Variants in TMEM179 observed in about 807,000 individuals in gnomAD.
TMEM179 encodes transmembrane protein 179A.
In TMEM179, 17 loss-of-function variants were observed where a neutral mutation model predicts 22.2. The observed-to-expected ratio is 0.77, with a 90% CI of 0.52 to 1.15. TMEM179 has a LOEUF of 1.15. Ranked by LOEUF, TMEM179 falls within the 50% of genes most tolerant of loss-of-function variation. The pLI, the probability that TMEM179 is intolerant of heterozygous loss-of-function variation, is 0.00. For synonymous variants in TMEM179, 127 were observed against 140.5 expected, an observed-to-expected ratio of 0.90 and a Z score of 0.68; for missense variants, 265 against 313.6, an observed-to-expected ratio of 0.84 and a Z score of 1.17.
In TMEM179 at chr14:104,595,921, G is replaced by A. The variant is rs192501592; in HGVS notation, c.444-678C>T. On this transcript the variant is annotated intron_variant, in intron 2 of 3. Coordinates refer to ENST00000556573, the MANE Select transcript of TMEM179 (RefSeq NM_001286389.2). This position sits in a 1 kb window ranked among gnomAD's most constrained non-coding sequence, Gnocchi z 5.7. ...GGGGCCCAGCGGCCCCAAATCCCTG[G>A]AGGGGCTGAAGGGCTGGAAACAGTG... 1.1e-3 allele frequency among the ~76,000 whole-genome samples: 175 copies of A among 152,396 alleles called. No individual in the cohort carries two copies. Among genetic ancestry groups the A allele is most frequent in the Admixed American group, 2.6e-3 (40 of 15,312 alleles).
rs1887349317 is a variant in TMEM179, at chr14:104,604,437, C to G, written c.305G>C (p.Gly102Ala). 2 of 1,560,358 alleles carry G rather than the reference C, an allele frequency of 1.3e-6. No homozygotes were observed. Among genetic ancestry groups the G allele is most frequent in the African/African-American group, 1.4e-5 (1 of 71,684 alleles). The change falls in exon 1 of 4, where the codon GGC becomes GCC. Residue 102 changes from glycine (G) to alanine (A), a missense_variant and splice_region_variant. Coordinates refer to ENST00000556573, the MANE Select transcript of TMEM179 (RefSeq NM_001286389.2). This position sits in a 1 kb window ranked among gnomAD's most constrained non-coding sequence, Gnocchi z 4.6. ...CGCGCCGGGAGCGGCCCCCACTTAC[C>G]CCTCGTGTCCCTTGCAGAGGAAGAA... ...TLFFLCKGHE[G>A]SFFSAFLNLL... is the part of the protein sequence containing the mutation.
intron 3 of TMEM179, chr14:104,594,572 A>G (rs1886954574): frequency 8.1e-7 from 1 of 1,230,546 alleles, no homozygotes. Context: ...ATGTGTCCCC[A>G]CATGCCTGCA....
At chr14:104,600,669 C>A (rs1887208522) in intron 1 of TMEM179, among the ~76,000 whole-genome samples, 1 of 152,182 alleles carries the variant, frequency 6.6e-6, no homozygotes, top group Non-Finnish European at 1.5e-5. Flanking sequence ...AATAATGGAG[C>A]ATCAAGATGA....
Position 104,593,332 on chromosome 14 carries a change from C to T in TMEM179, c.*147G>A, listed in dbSNP as rs1262256638. 4.0e-6 allele frequency: 4 copies of T among 996,374 alleles called. No homozygotes were observed. Among genetic ancestry groups the T allele is most frequent in the Admixed American group, 2.3e-5 (1 of 42,940 alleles). 61.7% of individuals were successfully genotyped at this position (996,374 alleles called of 1,614,324 possible). On this transcript the variant is annotated 3_prime_UTR_variant, in exon 4 of 4. Transcript: ENST00000556573. Reference sequence around the variant, plus strand: ...TCACAGGTGGGCACTGGGGCGCTCACCTCACTACACGTGGCGTCGAGGGGA... The same window carrying T: ...TCACAGGTGGGCACTGGGGCGCTCATCTCACTACACGTGGCGTCGAGGGGA...
rs930449405 is a variant in TMEM179, at chr14:104,595,358, G to A, written c.444-115C>T. ...TGCCCTACAATTGTTGGGCGAGGGGGTGGGCAGCAGGGAGTCTCTGGGGAC... is the reference window on the plus strand; with the variant it reads ...TGCCCTACAATTGTTGGGCGAGGGGATGGGCAGCAGGGAGTCTCTGGGGAC... On this transcript the variant is annotated intron_variant, in intron 2 of 3. Transcript: ENST00000556573. The surrounding 1 kb of genome is among the most constrained non-coding windows in gnomAD (Gnocchi z 5.7). 261 of 1,014,650 alleles carry A rather than the reference G, an allele frequency of 2.6e-4. 2 individuals carry two copies. Among genetic ancestry groups the A allele is most frequent in the Non-Finnish European group, 2.4e-4 (162 of 688,894 alleles). The allele number at this position is 1,014,650 out of a possible 1,614,324, so 62.9% of individuals were successfully genotyped here.
At position 104,591,063 on chromosome 14, in the gene TMEM179, C is replaced by T. The variant is rs993914868; in HGVS notation, c.*2416G>A. ...CCCCTGAGGGACCCTGGAGAGCCCACGACCAGGGCCGCCAGCCCCTGCCCA... is the reference window on the plus strand; with the variant it reads ...CCCCTGAGGGACCCTGGAGAGCCCATGACCAGGGCCGCCAGCCCCTGCCCA... On this transcript the variant is annotated 3_prime_UTR_variant, in exon 4 of 4. Coordinates refer to ENST00000556573, the MANE Select transcript of TMEM179 (RefSeq NM_001286389.2). 1.9e-5 allele frequency: 5 copies of T among 263,374 alleles called. No individual in the cohort carries two copies. Among genetic ancestry groups the T allele is most frequent in the South Asian group, 3.5e-5 (1 of 28,432 alleles). 16.3% of individuals were successfully genotyped at this position (263,374 alleles called of 1,614,324 possible).
chr14:104,603,882 A>G (rs1034992333), intron 1 of TMEM179, among the ~76,000 whole-genome samples: 1 of 152,206 alleles, frequency 6.6e-6, no homozygotes, highest in Non-Finnish European at 1.5e-5. Flanking sequence ...TGAGCCCACA[A>G]GGCACAGCCC....
chr14:104,603,670 G>T (rs1470672625), intron 1 of TMEM179, among the ~76,000 whole-genome samples: 6 of 151,108 alleles, frequency 4.0e-5, no homozygotes, highest in African/African-American at 1.5e-4. Context: ...GTTCACAGAG[G>T]GAGTGGGTGG....
Position 104,591,319 on chromosome 14 carries a change from G to A in TMEM179, c.*2160C>T. The A allele has an allele frequency of 4.4e-6, 2 of 452,716 alleles. No individual in the cohort carries two copies. The highest frequency in any genetic ancestry group is 3.1e-5 in the South Asian group (2 of 63,972). The allele number at this position is 452,716 out of a possible 1,614,324, so 28.0% of individuals were successfully genotyped here. ...ACCCCTGCCTCCTGCCCCTCCTTCA[G>A]GGCCCTAGATGGCTGTGGCCTGGAT... On this transcript the variant is annotated 3_prime_UTR_variant, in exon 4 of 4. Coordinates refer to ENST00000556573, the MANE Select transcript of TMEM179 (RefSeq NM_001286389.2).
intron 3 of TMEM179, chr14:104,594,177 C>T: frequency 4.1e-6 from 5 of 1,232,182 alleles, no homozygotes; most frequent in Non-Finnish European, 4.0e-6. Flanking sequence ...AGACTGCACT[C>T]ACACCTTAAT....
Position 104,597,087 on chromosome 14 carries a change from A to C in TMEM179, c.346T>G (p.Phe116Val). The change falls in exon 2 of 4, where the codon TTC becomes GTC. Residue 116 changes from phenylalanine (F) to valine (V), a missense_variant. Transcript: ENST00000556573. The surrounding 1 kb of genome is among the most constrained non-coding windows in gnomAD (Gnocchi z 4.8). ...GCAATGAAGACCAGGAAGACCACGA[A>C]GGCGCTGACCAGGAGGTTCAGGAAG... The part of the protein sequence containing the change: ...SAFLNLLVSA[F>V]VVFLVFIAST... 6.2e-7 allele frequency: 1 copy of C among 1,607,004 alleles called. No homozygotes were observed. Among genetic ancestry groups the C allele is most frequent in the South Asian group, 1.1e-5 (1 of 89,518 alleles).
rs1243945847 is a variant in TMEM179 at position 104,593,504 on chromosome 14, T to C, written c.677A>G (p.Gln226Arg). 4 of 1,535,836 alleles carry C rather than the reference T, an allele frequency of 2.6e-6. No individual in the cohort carries two copies. Among genetic ancestry groups the C allele is most frequent in the Non-Finnish European group, 3.5e-6 (4 of 1,146,774 alleles). ...CTAAATGACAGCGCTCTTCTCCTCT[T>C]GGAAGGAGGTGCGTGGGGACGGCCG... The part of the protein sequence containing the change: ...LARPSPRTSF[Q>R]EEKSAVI The change falls in exon 4 of 4, where the codon CAA (glutamine) becomes CGA (arginine). Residue 226 changes from glutamine (Q) to arginine (R), a missense_variant. Transcript: ENST00000556573.
At chr14:104,601,918 C>T (rs1405126370) in intron 1 of TMEM179, among the ~76,000 whole-genome samples, 4 of 152,136 alleles carry the variant, frequency 2.6e-5, no homozygotes, top group South Asian at 2.1e-4. Flanking sequence ...CATACCAGGC[C>T]GTCTAAGGCT....
intron 1 of TMEM179, among the ~76,000 whole-genome samples, chr14:104,601,044 C>T (rs971650604): frequency 2.6e-5 from 4 of 152,228 alleles, no homozygotes; most frequent in African/African-American, 9.6e-5. Context: ...AGCCCTTGTC[C>T]ACCACATGAG....
intron 1 of TMEM179, among the ~76,000 whole-genome samples, chr14:104,598,999 C>G (rs1414816481): frequency 2.6e-5 from 4 of 152,200 alleles, no homozygotes; most frequent in African/African-American, 9.7e-5. Context: ...GTACCGTGTG[C>G]CAGTAGACAA....
In TMEM179 at chr14:104,604,507, G is replaced by C. The variant is rs1327486390; in HGVS notation, c.235C>G (p.Leu79Val). Residue 79 changes from leucine (L) to valine (V), a missense_variant, in exon 1 of 4, where the codon CTC becomes GTC. Physicochemically the swap from Leu to Val is conservative, Grantham distance 32 (BLOSUM62 1). Coordinates refer to ENST00000556573, the MANE Select transcript of TMEM179 (RefSeq NM_001286389.2). This position sits in a 1 kb window ranked among gnomAD's most constrained non-coding sequence, Gnocchi z 4.6. ...GCGGCGGCCAGCAGCAGAGACAGGAGGCTGGCGAGCAGGCTGAAGCGGCAG... is the reference window on the plus strand; with the variant it reads ...GCGGCGGCCAGCAGCAGAGACAGGACGCTGGCGAGCAGGCTGAAGCGGCAG... Reference protein sequence around the residue: ...AACRFSLLASLLSLLLAAAHA... With the variant: ...AACRFSLLASVLSLLLAAAHA... The C allele has an allele frequency of 3.2e-6, 5 of 1,571,834 alleles. No individual in the cohort carries two copies. In the African/African-American group the frequency reaches 6.9e-5, roughly 22 times the overall value.
chr14:104,602,003 C>T lies in TMEM179; in HGVS notation c.305+2434G>A, dbSNP rs1887255089. ...AGCTGGCCTGCATCCCAGCCGGCTC[C>T]ACCCCTTGGGAGGATGGAACACCAC... On this transcript the variant is annotated intron_variant, in intron 1 of 3. Coordinates refer to ENST00000556573, the MANE Select transcript of TMEM179 (RefSeq NM_001286389.2). Among the ~76,000 whole-genome samples, 3 of 152,280 alleles carry T rather than the reference C, an allele frequency of 2.0e-5. 1 individual carries two copies. The highest frequency in any genetic ancestry group is 6.8e-3 in the Middle Eastern group (2 of 294).
Position 104,591,122 on chromosome 14 carries a change from C to T in TMEM179, c.*2357G>A, listed in dbSNP as rs991520268. 10 of 325,086 alleles carry T rather than the reference C, an allele frequency of 3.1e-5. No individual in the cohort carries two copies. The highest frequency in any genetic ancestry group is 1.6e-4 in the African/African-American group (7 of 44,388). The allele number at this position is 325,086 out of a possible 1,614,324, so 20.1% of individuals were successfully genotyped here. A position where few individuals can be genotyped will look rare whatever the true frequency, so the allele number is the denominator to read the frequency against. ...CAGGCCCAGCTGCCCCTTCCCAGGGCGATGTGTCTGGGCTCCGGAGACAGC... is the reference window on the plus strand; with the variant it reads ...CAGGCCCAGCTGCCCCTTCCCAGGGTGATGTGTCTGGGCTCCGGAGACAGC... On this transcript the variant is annotated 3_prime_UTR_variant, in exon 4 of 4. Transcript: ENST00000556573.
rs531817973 is a variant in TMEM179, at chr14:104,598,043, C to T, written c.306-916G>A. On this transcript the variant is annotated intron_variant, in intron 1 of 3. Coordinates refer to ENST00000556573, the MANE Select transcript of TMEM179 (RefSeq NM_001286389.2). ...ACGGCCATGGCTTTCAGAGGATGCT[C>T]GTGTTTCCTCTTCTGAGGATACCGG... Among the ~76,000 whole-genome samples the T allele has an allele frequency of 3.0e-4, 46 of 152,326 alleles. 1 individual carries two copies. Among genetic ancestry groups the T allele is most frequent in the African/African-American group, 1.1e-3 (46 of 41,584 alleles).
Sources: gnomAD v4.1 joint callset for allele counts (sites outside exome capture counted in the v4.1 genomes callset) on GRCh38, gnomAD v4.1.1 for gene constraint, Gnocchi (gnomAD v3.1) non-coding constraint, MANE v1.5 for transcripts, NCBI Gene and HGNC (gene_info 2026-07-23, HGNC 2026-07-21) for gene names.